USH2A: variants seen among roughly 807,000 people sequenced by gnomAD.
The protein encoded by USH2A is Usher syndrome 2A (autosomal recessive, mild).
USH2A carries 443 observed loss-of-function variants against 538.9 expected under a neutral mutation model. The ratio of observed to expected loss-of-function variants is 0.82; its 90% CI spans 0.76 to 0.89. The LOEUF (loss-of-function observed/expected upper bound fraction) is 0.89, where lower values mean the gene tolerates loss of function less well. USH2A is among the 40% of genes least tolerant of loss of function. USH2A has a pLI of 0.00. For missense variants in USH2A, 6,633 were observed against 6,324.8 expected (o/e 1.05, Z -1.65); for synonymous variants, 2,413 against 2,273.5 (o/e 1.06, Z -1.75).
chr1:216,129,121 T>C (rs1257273184), intron 21 of USH2A, among the ~76,000 whole-genome samples: 1 of 152,134 alleles, frequency 6.6e-6, no homozygotes, highest in Non-Finnish European at 1.5e-5. Flanking sequence ...TCATCATGAA[T>C]ATGTACCACA....
intron 9 of USH2A, among the ~76,000 whole-genome samples, chr1:216,315,589 TTTTATTG>T (rs1215573001): frequency 6.6e-6 from 1 of 152,126 alleles, no homozygotes; most frequent in African/African-American, 2.4e-5. Context: ...AGTGGGTATA[TTTTATTG>T]TACACAAATC....
intron 19 of USH2A, among the ~76,000 whole-genome samples, chr1:216,196,109 C>T (rs2034836379): frequency 6.6e-6 from 1 of 152,060 alleles, no homozygotes; most frequent in Non-Finnish European, 1.5e-5. Context: ...TTCAATTCTT[C>T]AGATTTTTGA....
At position 215,934,668 on chromosome 1, in the gene USH2A, AT is replaced by A; in HGVS notation, c.7247del (p.Asn2416IlefsTer6). 3.1e-6 allele frequency: 5 copies of A among 1,612,774 alleles called. No homozygotes were observed. Among genetic ancestry groups the A allele is most frequent in the Non-Finnish European group, 4.2e-6 (5 of 1,179,076 alleles). On this transcript the variant is annotated frameshift_variant, in exon 38 of 72. Coordinates refer to ENST00000307340, the MANE Select transcript of USH2A (RefSeq NM_206933.4). LOFTEE classifies it high-confidence loss of function. ...TNYTVQVNIS[N>X]SQGSLITDPI... Reference sequence around the variant, plus strand: ...GATCAGTTATCAAGCTGCCTTGGCTATTTGAAATATTCACTTGTACAGTATA... The same window carrying A: ...GATCAGTTATCAAGCTGCCTTGGCTATTGAAATATTCACTTGTACAGTATA...
intron 21 of USH2A, among the ~76,000 whole-genome samples, chr1:216,130,580 A>G (rs1183533740): frequency 6.8e-6 from 1 of 147,054 alleles, no homozygotes; most frequent in Non-Finnish European, 1.5e-5. Flanking sequence ...TATATAATAT[A>G]TAATACACAT....
At chr1:215,917,802 A>C (rs898048742) in intron 38 of USH2A, among the ~76,000 whole-genome samples, 11 of 140,810 alleles carry the variant, frequency 7.8e-5, no homozygotes, top group African/African-American at 2.9e-4. Context: ...AAAAAAAAAA[A>C]AAAATACAAA....
intron 39 of USH2A, among the ~76,000 whole-genome samples, chr1:215,900,490 A>C (rs1429317769): frequency 7.2e-5 from 11 of 152,214 alleles, no homozygotes; most frequent in Admixed American, 4.6e-4. Context: ...GACAGTTCAG[A>C]CATCATTTTG....
chr1:216,325,929 C>G (rs1281286972), intron 5 of USH2A, among the ~76,000 whole-genome samples: 1 of 152,114 alleles, frequency 6.6e-6, no homozygotes, highest in Non-Finnish European at 1.5e-5. Flanking sequence ...TAGAAATGAT[C>G]ACATTTACTT....
chr1:216,175,132 G>A (rs1486237929), intron 21 of USH2A, 120 bp downstream of exon 21: 4 of 1,528,180 alleles, frequency 2.6e-6, no homozygotes, highest in Admixed American at 3.9e-5. Context: ...GCTATCAAAG[G>A]GCTGAATTAG....
intron 22 of USH2A, 45 bp from the exon 23 acceptor site, chr1:216,089,184 T>A: frequency 6.3e-7 from 1 of 1,584,966 alleles, no homozygotes; most frequent in Non-Finnish European, 8.6e-7. Context: ...CATGCATATC[T>A]ACAAATAAAC....
chr1:215,888,954 A>G lies in USH2A; in HGVS notation c.7695T>C (p.His2565=). The change falls in exon 41 of 72, where the codon CAT becomes CAC. Residue 2565 remains histidine, a synonymous_variant. Coordinates refer to ENST00000307340, the MANE Select transcript of USH2A (RefSeq NM_206933.4). Reference sequence around the variant, plus strand: ...GACGGCCATGTAGATAAATGTTATAATGGGTAATAACCCCATTGGATTTTC... The same window carrying G: ...GACGGCCATGTAGATAAATGTTATAGTGGGTAATAACCCCATTGGATTTTC... ...HPRKSNGVIT[H]YNIYLHGRLY... is the part of the protein sequence containing the mutation. 6.2e-7 allele frequency: 1 copy of G among 1,614,172 alleles called. No individual in the cohort carries two copies.
At chr1:215,830,279 T>G (rs1663275271) in intron 47 of USH2A, among the ~76,000 whole-genome samples, 1 of 152,184 alleles carries the variant, frequency 6.6e-6, no homozygotes, top group Non-Finnish European at 1.5e-5. Context: ...TTGTTTTGTT[T>G]TGTCTTCTTT....
chr1:215,934,203 T>C (rs983782777), intron 38 of USH2A, among the ~76,000 whole-genome samples: 6 of 152,020 alleles, frequency 3.9e-5, no homozygotes, highest in Non-Finnish European at 8.8e-5. Context: ...ACAATTGAAC[T>C]AGTTATTTAG....
chr1:216,246,899 C>T lies in USH2A; in HGVS notation c.2495G>A (p.Gly832Glu), dbSNP rs1035396066. Residue 832 changes from glycine to glutamate, a missense_variant, in exon 13 of 72, where the codon GGA becomes GAA. Gly to Glu is a moderately conservative substitution (Grantham distance 98). Coordinates refer to ENST00000307340, the MANE Select transcript of USH2A (RefSeq NM_206933.4). ...EGRQCNKCLE[G>E]NFYLRQNNSF... ...ATTATTTTGCCGTAGGTAGAAGTTT[C>T]CCTCCAAACATTTATTGCACTGTCT... 6 of 1,613,998 alleles carry T rather than the reference C, an allele frequency of 3.7e-6. No individual in the cohort carries two copies. The highest frequency in any genetic ancestry group is 5.1e-6 in the Non-Finnish European group (6 of 1,179,986).
intron 31 of USH2A, 118 bp from the exon 32 acceptor site, chr1:216,046,710 C>T (rs188549862): frequency 2.3e-5 from 28 of 1,208,640 alleles, no homozygotes; most frequent in Admixed American, 1.4e-4. Context: ...GAAATATTCC[C>T]GATTCGTGGG....
At chr1:216,397,880 A>G (rs2039240396) in intron 3 of USH2A, among the ~76,000 whole-genome samples, 1 of 152,210 alleles carries the variant, frequency 6.6e-6, no homozygotes, top group African/African-American at 2.4e-5. Flanking sequence ...TAATGATGTG[A>G]GCAAATTCTC....
At chr1:215,946,752 T>C (rs1345928875) in intron 37 of USH2A, among the ~76,000 whole-genome samples, 5 of 152,322 alleles carry the variant, frequency 3.3e-5, no homozygotes, top group Non-Finnish European at 2.9e-5. Context: ...TCTAATTTGA[T>C]TTTAATGAAT....
intron 38 of USH2A, among the ~76,000 whole-genome samples, chr1:215,920,206 T>C (rs985414746): frequency 2.6e-5 from 4 of 152,044 alleles, no homozygotes; most frequent in African/African-American, 4.8e-5. Flanking sequence ...TGGGGAAGGA[T>C]ATTTCCAAGA....
chr1:216,028,766 A>G (rs1019543275), intron 32 of USH2A, among the ~76,000 whole-genome samples: 8 of 152,006 alleles, frequency 5.3e-5, no homozygotes, highest in East Asian at 1.9e-4. Flanking sequence ...ATGCATAAAC[A>G]CATTTGTGGT....
intron 13 of USH2A, among the ~76,000 whole-genome samples, chr1:216,245,350 T>C (rs1396367934): frequency 6.6e-6 from 1 of 152,130 alleles, no homozygotes; most frequent in African/African-American, 2.4e-5. Flanking sequence ...CTAGAAATTA[T>C]AACTAAGAGG....
Sources: allele counts gnomAD v4.1 joint callset (sites outside exome capture counted in the v4.1 genomes callset), GRCh38; gene constraint gnomAD v4.1.1; transcripts MANE v1.5; gene names NCBI Gene and HGNC (gene_info 2026-07-23, HGNC 2026-07-21).